The following RERE variants were observed in gnomAD, a reference collection of about 807,000 sequenced individuals.
RERE encodes the protein arginine-glutamic acid dipeptide repeats, also known as arginine-glutamic acid dipeptide repeats protein.
A neutral mutation model predicts 146.1 loss-of-function variants in RERE; 40 were observed. The ratio of observed to expected loss-of-function variants is 0.27; its 90% CI spans 0.21 to 0.36. The LOEUF is 0.36. Ranked by LOEUF, RERE falls within the 10% of genes least tolerant of loss-of-function variation. The pLI, the probability that RERE is intolerant of heterozygous loss-of-function variation, is 1.00. For missense variants in RERE, 1,933 were observed against 2,138.7 expected, an observed-to-expected ratio of 0.90 and a Z score of 1.90; for synonymous variants, 1,003 against 866.0, an observed-to-expected ratio of 1.16 and a Z score of -2.78.
At chr1:8,739,974 T>G (rs1444625607) in intron 1 of RERE, among the ~76,000 whole-genome samples, 1 of 152,102 alleles carries the variant, frequency 6.6e-6, no homozygotes, top group African/African-American at 2.4e-5. Flanking sequence ...GGGTTTCCTC[T>G]GCCCAGAACA....
At chr1:8,614,216 C>T (rs926672424) in intron 4 of RERE, among the ~76,000 whole-genome samples, 8 of 152,186 alleles carry the variant, frequency 5.3e-5, no homozygotes, top group African/African-American at 1.7e-4. Context: ...GGGAAACGCA[C>T]ATTCCACACT....
chr1:8,669,638 G>A (rs924038060), intron 1 of RERE, among the ~76,000 whole-genome samples: 1 of 152,154 alleles, frequency 6.6e-6, no homozygotes, highest in African/African-American at 2.4e-5. Context: ...AATTAAACTA[G>A]TAGAGTTTTA....
chr1:8,414,055 CAAAAAAAAAAA>C (rs71580026), intron 12 of RERE, among the ~76,000 whole-genome samples: 2 of 91,770 alleles, frequency 2.2e-5, no homozygotes, highest in Non-Finnish European at 4.2e-5. Flanking sequence ...AACTCCATCT[CAAAAAAAAAAA>C]AAAAAAAGAA....
At chr1:8,678,682 G>C (rs576163734) in intron 1 of RERE, among the ~76,000 whole-genome samples, 2 of 151,764 alleles carry the variant, frequency 1.3e-5, no homozygotes. Context: ...GCGACAGAGC[G>C]AGACTCCATC....
intron 4 of RERE, among the ~76,000 whole-genome samples, chr1:8,604,589 G>A (rs1359482126): frequency 1.2e-5 from 1 of 86,044 alleles, no homozygotes; most frequent in Admixed American, 1.1e-4. Flanking sequence ...AGGAAGGAAG[G>A]AAGGAAGGAA....
At chr1:8,599,641 C>T (rs1035892753) in intron 4 of RERE, among the ~76,000 whole-genome samples, 3 of 152,174 alleles carry the variant, frequency 2.0e-5, no homozygotes, top group Admixed American at 2.0e-4. Context: ...CCTCACAAAT[C>T]TCCCTGTGCC....
At chr1:8,605,745 CAAAAAAAAAAAAAAA>C (rs564574812) in intron 4 of RERE, among the ~76,000 whole-genome samples, 1 of 64,518 alleles carries the variant, frequency 1.5e-5, no homozygotes, top group Non-Finnish European at 2.6e-5. Flanking sequence ...ACCCCATCTC[CAAAAAAAAAAAAAAA>C]AAAAAAAAAA....
chr1:8,501,038 G>GT (rs1645135525), intron 8 of RERE, among the ~76,000 whole-genome samples: 1 of 133,650 alleles, frequency 7.5e-6, no homozygotes, highest in Admixed American at 7.0e-5. Flanking sequence ...GGGAGGGGGG[G>GT]GGGGGGTCAG....
chr1:8,791,950 G>A (rs907224898), intron 1 of RERE, among the ~76,000 whole-genome samples: 12 of 152,100 alleles, frequency 7.9e-5, no homozygotes, highest in African/African-American at 1.9e-4. Context: ...AAATTAGGCC[G>A]GGCATGATAG....
intron 4 of RERE, 80 bp downstream of exon 4, chr1:8,614,481 G>A (rs1646827992): frequency 3.6e-6 from 5 of 1,404,314 alleles, no homozygotes; most frequent in South Asian, 1.3e-5. Context: ...AAGGGGCTCT[G>A]GGGAGGGAGG....
intron 7 of RERE, among the ~76,000 whole-genome samples, chr1:8,539,162 T>G (rs906270671): frequency 1.3e-5 from 2 of 152,170 alleles, no homozygotes; most frequent in Non-Finnish European, 2.9e-5. Context: ...ACAATATCAC[T>G]AAAATAACAT....
chr1:8,646,394 C>T (rs1280052489), intron 2 of RERE, among the ~76,000 whole-genome samples: 1 of 152,044 alleles, frequency 6.6e-6, no homozygotes, highest in Non-Finnish European at 1.5e-5. Flanking sequence ...TAGCTGGGCA[C>T]AGTGCCGTGC....
chr1:8,466,995 T>C (rs968051749), intron 10 of RERE, among the ~76,000 whole-genome samples: 1 of 152,252 alleles, frequency 6.6e-6, no homozygotes, highest in Non-Finnish European at 1.5e-5. Flanking sequence ...ACCTTTCCTG[T>C]ACACATCTAG....
At chr1:8,815,936 T>C (rs1641903916) in intron 1 of RERE, among the ~76,000 whole-genome samples, 1 of 151,938 alleles carries the variant, frequency 6.6e-6, no homozygotes, top group Admixed American at 6.6e-5. Flanking sequence ...GAAGCCAGCT[T>C]TCCACCCATC....
intron 1 of RERE, among the ~76,000 whole-genome samples, chr1:8,776,494 C>T (rs940532237): frequency 2.0e-5 from 3 of 152,150 alleles, no homozygotes; most frequent in South Asian, 2.1e-4. Flanking sequence ...GACAGGCTTT[C>T]GCCATGTTGG....
At chr1:8,434,989 A>C (rs1316931586) in intron 11 of RERE, among the ~76,000 whole-genome samples, 2 of 152,266 alleles carry the variant, frequency 1.3e-5, no homozygotes, top group East Asian at 3.8e-4. Context: ...GAAACTGTGA[A>C]AGATAATAAA....
At chr1:8,422,896 C>A in intron 11 of RERE, 89 bp from the exon 12 acceptor site, 2 of 984,392 alleles carry the variant, frequency 2.0e-6, no homozygotes, top group Non-Finnish European at 3.2e-6. Context: ...AGCAGAATAA[C>A]AACCACAAAA....
chr1:8,727,257 C>G (rs1179942880), intron 1 of RERE, among the ~76,000 whole-genome samples: 3 of 152,134 alleles, frequency 2.0e-5, no homozygotes, highest in Non-Finnish European at 4.4e-5. Context: ...ATTCTCCTGC[C>G]TCAGCCTCGT....
intron 12 of RERE, among the ~76,000 whole-genome samples, chr1:8,373,667 C>G (rs1642129352): frequency 6.6e-6 from 1 of 152,226 alleles, no homozygotes; most frequent in East Asian, 1.9e-4. Flanking sequence ...GCTGCCCTAA[C>G]TGGAGTGCTC....
Sources: allele counts gnomAD v4.1 joint callset (sites outside exome capture counted in the v4.1 genomes callset), GRCh38; gene constraint gnomAD v4.1.1; transcripts MANE v1.5; gene names NCBI Gene and HGNC (gene_info 2026-07-23, HGNC 2026-07-21).